Variants in ARHGEF6 observed in about 807,000 individuals in gnomAD.
ARHGEF6 encodes rho guanine nucleotide exchange factor 6.
Under a neutral mutation model 70.3 loss-of-function variants are expected in ARHGEF6, and 9 were observed. The observed-to-expected ratio is 0.13, with a 90% CI of 0.08 to 0.22. The LOEUF is 0.22. Ranked by LOEUF, ARHGEF6 falls within the 10% of genes least tolerant of loss-of-function variation. The pLI, the probability that ARHGEF6 is intolerant of heterozygous loss-of-function variation, is 1.00. For synonymous variants in ARHGEF6, 201 were observed against 207.8 expected (o/e 0.97, Z 0.28); for missense variants, 470 against 563.0 (o/e 0.83, Z 1.67).
At chrX:136,693,652 C>T (rs977570634) in intron 9 of ARHGEF6, among the ~76,000 whole-genome samples, 4 of 111,972 alleles carry the variant, frequency 3.6e-5, no homozygotes, top group Admixed American at 2.8e-4. Context: ...TCATAGAATG[C>T]ATGGTGGATG....
intron 6 of ARHGEF6, among the ~76,000 whole-genome samples, chrX:136,715,389 GA>G (rs755300846): frequency 9.1e-6 from 1 of 109,500 alleles, no homozygotes; most frequent in Admixed American, 9.7e-5. Context: ...TTTTAAAAAA[GA>G]AAAAAAAGAC....
At chrX:136,755,257 C>T (rs1404594558) in intron 2 of ARHGEF6, among the ~76,000 whole-genome samples, 2 of 112,290 alleles carry the variant, frequency 1.8e-5, no homozygotes, top group African/African-American at 3.2e-5. Context: ...ATCCTTTATG[C>T]TTTTTCCTTG....
chrX:136,738,725 G>T (rs2077013015), intron 5 of ARHGEF6, among the ~76,000 whole-genome samples: 1 of 112,766 alleles, frequency 8.9e-6, no homozygotes, highest in Non-Finnish European at 1.9e-5. Context: ...ACCTTTGTGG[G>T]CTGGCTAGAA....
intron 19 of ARHGEF6, among the ~76,000 whole-genome samples, chrX:136,673,832 CTT>C (rs1331819164): frequency 1.8e-5 from 2 of 110,869 alleles, no homozygotes; most frequent in Non-Finnish European, 3.8e-5. Flanking sequence ...TTCTCTCTCT[CTT>C]TCTCTCTCTC....
At chrX:136,748,158 T>C (rs2077115134) in intron 2 of ARHGEF6, among the ~76,000 whole-genome samples, 1 of 111,892 alleles carries the variant, frequency 8.9e-6, no homozygotes, top group African/African-American at 3.3e-5. Context: ...CCAAACTTTC[T>C]GCCCAGGTCT....
At chrX:136,744,282 C>T (rs764130688) in intron 4 of ARHGEF6, among the ~76,000 whole-genome samples, 2 of 111,805 alleles carry the variant, frequency 1.8e-5, no homozygotes, top group Non-Finnish European at 3.8e-5. Context: ...ATCAAATAAC[C>T]CATAGTTGCC....
chrX:136,771,814 C>T (rs648347), intron 2 of ARHGEF6, among the ~76,000 whole-genome samples: 26,381 of 110,770 alleles, frequency 0.24, 2,554 homozygotes, highest in East Asian at 0.63. Flanking sequence ...CTGGTGGGAA[C>T]GTAAATTAAT....
intron 9 of ARHGEF6, among the ~76,000 whole-genome samples, chrX:136,694,056 CTTTTTTTT>C (rs1222897407): frequency 1.0e-5 from 1 of 96,222 alleles, no homozygotes; most frequent in Non-Finnish European, 2.1e-5. Context: ...GTCCCCACTC[CTTTTTTTT>C]TTTTTTTTGA....
In ARHGEF6 at chrX:136,668,122, T is replaced by C. The variant is rs145638298; in HGVS notation, c.2238A>G (p.Arg746=). 4.0e-5 allele frequency: 49 copies of C among 1,209,896 alleles called. 2 individuals carry two copies. Among genetic ancestry groups the C allele is most frequent in the Non-Finnish European group, 4.6e-5 (41 of 895,038 alleles). The change falls in exon 22 of 22, where the codon AGA becomes AGG. Residue 746 remains arginine (R), a synonymous_variant. Transcript: ENST00000250617. Reference sequence around the variant, plus strand: ...TCCGCACCAGCTTTTCTAGGTCCCTTCTTGATTTCAGTTCTTCTTCCAGGC... The same window carrying C: ...TCCGCACCAGCTTTTCTAGGTCCCTCCTTGATTTCAGTTCTTCTTCCAGGC... ...KQCLEEELKS[R]RDLEKLVRRL...
chrX:136,776,264 G>A (rs1045349059), intron 2 of ARHGEF6, among the ~76,000 whole-genome samples: 5 of 111,664 alleles, frequency 4.5e-5, no homozygotes, highest in Non-Finnish European at 3.8e-5. Context: ...CAAATCTAGA[G>A]GCATCACATT....
chrX:136,752,148 C>T (rs907229374), intron 2 of ARHGEF6, among the ~76,000 whole-genome samples: 1 of 112,497 alleles, frequency 8.9e-6, no homozygotes, highest in African/African-American at 3.2e-5. Context: ...CAAGTAGCAT[C>T]TGTATCATCT....
chrX:136,683,202 T>G (rs756486893), intron 12 of ARHGEF6, among the ~76,000 whole-genome samples: 1 of 111,785 alleles, frequency 8.9e-6, no homozygotes, highest in Non-Finnish European at 1.9e-5. Flanking sequence ...TGAAAATATA[T>G]TTTACTTTGA....
chrX:136,708,315 G>A (rs895802763), intron 8 of ARHGEF6, among the ~76,000 whole-genome samples: 2 of 108,020 alleles, frequency 1.9e-5, no homozygotes, highest in African/African-American at 6.8e-5. Flanking sequence ...AACCACCATG[G>A]CGCATGTATA....
At chrX:136,754,739 A>G (rs1444969824) in intron 2 of ARHGEF6, among the ~76,000 whole-genome samples, 3 of 112,241 alleles carry the variant, frequency 2.7e-5, no homozygotes, top group African/African-American at 9.7e-5. Context: ...AAGGACAGGA[A>G]GCAGGAGGCC....
chrX:136,744,434 C>A (rs2077075430), intron 4 of ARHGEF6, among the ~76,000 whole-genome samples: 1 of 111,317 alleles, frequency 9.0e-6, no homozygotes, highest in African/African-American at 3.3e-5. Flanking sequence ...GGTCACAGAC[C>A]CTTTAGAGAA....
rs372620157 is a variant in ARHGEF6 at position 136,753,882 on chromosome X, C to T, written c.250-6290G>A. ...TTATCTTGCTGCCACTGCATCGTGG[C>T]ATTTGGACTGTGATCATGGACAGCT... On this transcript the variant is annotated intron_variant, in intron 2 of 21. Coordinates refer to ENST00000250617, the MANE Select transcript of ARHGEF6 (RefSeq NM_004840.3). Among the ~76,000 whole-genome samples the T allele has an allele frequency of 5.3e-5, 6 of 112,296 alleles. No homozygotes were observed. The South Asian group carries it at 2.2e-3, about 42-fold the overall frequency.
At chrX:136,687,727 TTA>T (rs1403922181) in intron 11 of ARHGEF6, among the ~76,000 whole-genome samples, 1 of 112,087 alleles carries the variant, frequency 8.9e-6, no homozygotes, top group Non-Finnish European at 1.9e-5. Context: ...TGTGATTGCT[TTA>T]TACCCTCAGC....
intron 2 of ARHGEF6, among the ~76,000 whole-genome samples, chrX:136,756,781 A>G (rs986422910): frequency 8.9e-6 from 1 of 112,628 alleles, no homozygotes; most frequent in African/African-American, 3.2e-5. Flanking sequence ...CTTCCCATTT[A>G]TATATCTGTG....
chrX:136,728,936 C>T (rs774377653), intron 6 of ARHGEF6, among the ~76,000 whole-genome samples: 1 of 107,784 alleles, frequency 9.3e-6, no homozygotes, highest in East Asian at 2.9e-4. Context: ...GGGTCTCCAG[C>T]TTTGAGACAG....
Sources: gnomAD v4.1 joint callset for allele counts (sites outside exome capture counted in the v4.1 genomes callset) on GRCh38, gnomAD v4.1.1 for gene constraint, MANE v1.5 for transcripts, NCBI Gene and HGNC (gene_info 2026-07-23, HGNC 2026-07-21) for gene names.